SRSF3: variants seen among roughly 807,000 people sequenced by gnomAD.
The protein encoded by SRSF3 is serine/arginine-rich splicing factor 3.
For synonymous variants in SRSF3, 87 were observed against 73.6 expected (o/e 1.18, Z -0.93); for missense variants, 58 against 217.1 (o/e 0.27, Z 4.61).
At chr6:36,598,219 A>G (rs1351108069) in intron 2 of SRSF3, among the ~76,000 whole-genome samples, 1 of 152,226 alleles carries the variant, frequency 6.6e-6, no homozygotes, top group African/African-American at 2.4e-5. Context: ...GGATCTTCAC[A>G]CTTAAATTGC....
chr6:36,596,574 C>CGGGGGGGGGGGGGGGGGGGGGGGG (rs34650091), intron 1 of SRSF3, among the ~76,000 whole-genome samples, 187 bp from the exon 2 acceptor site: 3 of 91,958 alleles, frequency 3.3e-5, no homozygotes, highest in African/African-American at 9.7e-5. Context: ...GGCGGGGTGG[C>CGGGGGGGGGGGGGGGGGGGGGGGG]GGGGGGGGGG....
chr6:36,598,212 T>A (rs948423132), intron 2 of SRSF3, among the ~76,000 whole-genome samples: 19 of 152,198 alleles, frequency 1.2e-4, no homozygotes, highest in Admixed American at 2.6e-4. Context: ...GATAAATGGA[T>A]CTTCACACTT....
rs1255108847 is a variant in SRSF3, at chr6:36,603,130, C to T, written c.*1141C>T. 4.5e-6 allele frequency: 1 copy of T among 222,768 alleles called. No individual in the cohort carries two copies. The allele number at this position is 222,768 out of a possible 1,614,324, so 13.8% of individuals were successfully genotyped here. A position where few individuals can be genotyped will look rare whatever the true frequency, so the allele number is the denominator to read the frequency against. On this transcript the variant is annotated 3_prime_UTR_variant, in exon 6 of 6. Transcript: ENST00000373715. ...GTTCAGGGTCCATAATATTTAGTGA[C>T]CAACATTTTAAAGTATAGCAGCAAC...
In SRSF3 at chr6:36,602,378, G is replaced by A. The variant is rs1778732222; in HGVS notation, c.*389G>A. 8.2e-6 allele frequency: 2 copies of A among 245,270 alleles called. No individual in the cohort carries two copies. The highest frequency in any genetic ancestry group is 1.6e-5 in the Non-Finnish European group (2 of 127,158). The allele number at this position is 245,270 out of a possible 1,614,324, so 15.2% of individuals were successfully genotyped here. A position where few individuals can be genotyped will look rare whatever the true frequency, so the allele number is the denominator to read the frequency against. On this transcript the variant is annotated 3_prime_UTR_variant, in exon 6 of 6. Coordinates refer to ENST00000373715, the MANE Select transcript of SRSF3 (RefSeq NM_003017.5). ...GATTTACTTTTTTTTCCATAGCTGG[G>A]ATATAGGCTGCAGCTATAGTTGAAC... is the stretch of plus-strand genomic sequence containing the variant.
Position 36,601,693 on chromosome 6 carries a change from T to C in SRSF3, c.381-15T>C. On this transcript the variant is annotated splice_polypyrimidine_tract_variant and intron_variant, in intron 4 of 5. Transcript: ENST00000373715. ...ATCATACCTCATTGGTCCTAATGTTTTTTTGCTTGTTTAGGTCCCTTTCTA... is the reference window on the plus strand; with the variant it reads ...ATCATACCTCATTGGTCCTAATGTTCTTTTGCTTGTTTAGGTCCCTTTCTA... 1 of 1,584,960 alleles carries C rather than the reference T, an allele frequency of 6.3e-7. No homozygotes were observed. The highest frequency in any genetic ancestry group is 1.1e-5 in the South Asian group (1 of 89,242).
chr6:36,597,122 G>A, intron 2 of SRSF3, 154 bp downstream of exon 2: 1 of 616,846 alleles, frequency 1.6e-6, no homozygotes, highest in South Asian at 2.0e-5. Context: ...TTTTTTTGGT[G>A]GGGAGACGAG....
At chr6:36,595,081 C>T (rs988136891) in intron 1 of SRSF3, among the ~76,000 whole-genome samples, 1 of 152,126 alleles carries the variant, frequency 6.6e-6, no homozygotes, top group Admixed American at 6.5e-5. Context: ...TACTCCTGGG[C>T]ACAGGGTGTG....
chr6:36,599,101 G>T, intron 3 of SRSF3, 118 bp downstream of exon 3: 2 of 1,307,712 alleles, frequency 1.5e-6, no homozygotes, highest in Non-Finnish European at 2.1e-6. Context: ...AGGTTTCTGT[G>T]AAACATTTGT....
chr6:36,605,246 T>C lies in SRSF3; in HGVS notation c.*3257T>C, dbSNP rs1778790488. On this transcript the variant is annotated 3_prime_UTR_variant, in exon 6 of 6. Coordinates refer to ENST00000373715, the MANE Select transcript of SRSF3 (RefSeq NM_003017.5). ...GGCTCATGCCTGTAATCCCGGTGCA[T>C]TGGGAGGTTGAGGCAGGTGGATCAC... 1 of 152,152 alleles carries C rather than the reference T, an allele frequency of 6.6e-6. No individual in the cohort carries two copies. Among genetic ancestry groups the C allele is most frequent in the South Asian group, 2.1e-4 (1 of 4,826 alleles). 9.4% of individuals were successfully genotyped at this position (152,152 alleles called of 1,614,324 possible).
Position 36,605,509 on chromosome 6 carries a change from T to G in SRSF3, c.*3520T>G, listed in dbSNP as rs1410203710. Reference sequence around the variant, plus strand: ...TCTCCAAAAAAAAAAAAAAAGTTTGTTTTGGTAAGCCTAGTATAATTGATT... The same window carrying G: ...TCTCCAAAAAAAAAAAAAAAGTTTGGTTTGGTAAGCCTAGTATAATTGATT... On this transcript the variant is annotated 3_prime_UTR_variant, in exon 6 of 6. Transcript: ENST00000373715. 6.6e-6 allele frequency: 1 copy of G among 151,938 alleles called. No homozygotes were observed. 9.4% of individuals were successfully genotyped at this position (151,938 alleles called of 1,614,324 possible). A position where few individuals can be genotyped will look rare whatever the true frequency, so the allele number is the denominator to read the frequency against.
At chr6:36,601,644 A>G in intron 4 of SRSF3, 64 bp from the exon 5 acceptor site, 1 of 1,451,416 alleles carries the variant, frequency 6.9e-7, no homozygotes. Context: ...ATGCCAGATC[A>G]AGAAAATATT....
chr6:36,599,945 C>T, intron 3 of SRSF3: 3 of 1,334,692 alleles, frequency 2.2e-6, no homozygotes, highest in Non-Finnish European at 3.0e-6. Flanking sequence ...ATGACCCAGG[C>T]TGGCCAGTCG....
chr6:36,596,655 C>A, intron 1 of SRSF3, 106 bp from the exon 2 acceptor site: 1 of 930,544 alleles, frequency 1.1e-6, no homozygotes, highest in South Asian at 1.7e-5. Context: ...TCTTTACGTG[C>A]TACCTTAAAC....
In SRSF3 at chr6:36,599,583, C is replaced by G. The variant is rs984127214; in HGVS notation, c.341+600C>G. 5.1e-5 allele frequency: 17 copies of G among 331,914 alleles called. 1 individual carries two copies. The highest frequency in any genetic ancestry group is 4.2e-4 in the South Asian group (17 of 40,638). The allele number at this position is 331,914 out of a possible 1,614,324, so 20.6% of individuals were successfully genotyped here. ...TCTGGGTGCTAACTCCACATCTCCT[C>G]AGACCTCCAAAATAGTTTCTATAGG... On this transcript the variant is annotated intron_variant, in intron 3 of 5. Coordinates refer to ENST00000373715, the MANE Select transcript of SRSF3 (RefSeq NM_003017.5).
At position 36,601,693 on chromosome 6, in the gene SRSF3, T is replaced by G; in HGVS notation, c.381-15T>G. Reference sequence around the variant, plus strand: ...ATCATACCTCATTGGTCCTAATGTTTTTTTGCTTGTTTAGGTCCCTTTCTA... The same window carrying G: ...ATCATACCTCATTGGTCCTAATGTTGTTTTGCTTGTTTAGGTCCCTTTCTA... On this transcript the variant is annotated splice_polypyrimidine_tract_variant and intron_variant, in intron 4 of 5. Coordinates refer to ENST00000373715, the MANE Select transcript of SRSF3 (RefSeq NM_003017.5). 6.3e-7 allele frequency: 1 copy of G among 1,584,960 alleles called. No individual in the cohort carries two copies. The highest frequency in any genetic ancestry group is 8.6e-7 in the Non-Finnish European group (1 of 1,157,902).
chr6:36,597,038 T>G, intron 2 of SRSF3, 70 bp downstream of exon 2: 1 of 1,428,106 alleles, frequency 7.0e-7, no homozygotes, highest in Admixed American at 1.8e-5. Context: ...ACAGGATATG[T>G]GGCTCTTAGA....
rs1778739763 is a variant in SRSF3, at chr6:36,602,779, C to T, written c.*790C>T. 4.8e-6 allele frequency: 1 copy of T among 209,822 alleles called. No individual in the cohort carries two copies. The highest frequency in any genetic ancestry group is 1.9e-4 in the South Asian group (1 of 5,334). 13.0% of individuals were successfully genotyped at this position (209,822 alleles called of 1,614,324 possible). ...ATTAAAGTTTTGGTTACAAATTGTT[C>T]TTTAACTTGAAAGCCTGTTTTTCCT... On this transcript the variant is annotated 3_prime_UTR_variant, in exon 6 of 6. Transcript: ENST00000373715.
At position 36,602,200 on chromosome 6, in the gene SRSF3, AATTGTT is replaced by A; in HGVS notation, c.*213_*218del. On this transcript the variant is annotated 3_prime_UTR_variant, in exon 6 of 6. Transcript: ENST00000373715. Reference sequence around the variant, plus strand: ...ATCATACGAGGCATGTAATACCAAGAATTGTTACTTTACAATGTTCCCTTAAGCAAA... The same window carrying A: ...ATCATACGAGGCATGTAATACCAAGAACTTTACAATGTTCCCTTAAGCAAA... 1 of 959,218 alleles carries A rather than the reference AATTGTT, an allele frequency of 1.0e-6. No individual in the cohort carries two copies. Among genetic ancestry groups the A allele is most frequent in the East Asian group, 2.9e-5 (1 of 34,358 alleles). 59.4% of individuals were successfully genotyped at this position (959,218 alleles called of 1,614,324 possible).
At chr6:36,601,880 A>G in intron 5 of SRSF3, 82 bp from the exon 6 acceptor site, 1 of 1,592,674 alleles carries the variant, frequency 6.3e-7, no homozygotes, top group Non-Finnish European at 8.5e-7. Context: ...TTTTACCTTA[A>G]AGTTCTATTT....
Sources: allele counts gnomAD v4.1 joint callset (sites outside exome capture counted in the v4.1 genomes callset), GRCh38; gene constraint gnomAD v4.1.1; transcripts MANE v1.5; gene names NCBI Gene and HGNC (gene_info 2026-07-23, HGNC 2026-07-21).